The following TXNL1 variants were observed in gnomAD, a reference collection of about 807,000 sequenced individuals.
TXNL1 encodes the protein thioredoxin-like protein 1.
In TXNL1, 14 loss-of-function variants were observed where a neutral mutation model predicts 35.5. The observed-to-expected ratio is 0.39, with a 90% CI of 0.26 to 0.62. TXNL1 has a LOEUF of 0.62. TXNL1 is among the 20% of genes least tolerant of loss of function. The probability of loss-of-function intolerance (pLI) is 0.47; values close to 1 mark genes in which losing one functional copy is unlikely to be tolerated. For synonymous variants in TXNL1, 110 were observed against 115.5 expected, an observed-to-expected ratio of 0.95 and a Z score of 0.31; for missense variants, 263 against 349.7, an observed-to-expected ratio of 0.75 and a Z score of 1.98.
rs183867836 is a variant in TXNL1, at chr18:56,634,507, A to T, written c.98+3836T>A. Among the ~76,000 whole-genome samples the T allele has an allele frequency of 2.0e-5, 3 of 152,340 alleles. No individual in the cohort carries two copies. The East Asian group carries it at 5.8e-4, about 29-fold the overall frequency. On this transcript the variant is annotated intron_variant, in intron 1 of 7. Coordinates refer to ENST00000217515, the MANE Select transcript of TXNL1 (RefSeq NM_004786.3). ...CAGACTAAGGAATATGTAAGCGTTG[A>T]CTATTTTAATCCTTAAAAAATACTC...
intron 7 of TXNL1, among the ~76,000 whole-genome samples, chr18:56,607,982 T>C (rs2023929505): frequency 6.6e-6 from 1 of 152,224 alleles, no homozygotes; most frequent in Non-Finnish European, 1.5e-5. Context: ...TATTGTAAAC[T>C]TGAACCATCA....
At chr18:56,629,911 C>T (rs1170810936) in intron 1 of TXNL1, among the ~76,000 whole-genome samples, 1 of 152,060 alleles carries the variant, frequency 6.6e-6, no homozygotes, top group Non-Finnish European at 1.5e-5. Context: ...AAGATAGTAA[C>T]CAGACTGGGC....
intron 1 of TXNL1, among the ~76,000 whole-genome samples, chr18:56,631,868 C>T (rs1484615383): frequency 2.7e-5 from 4 of 148,006 alleles, no homozygotes; most frequent in African/African-American, 7.5e-5. Context: ...CACAGTGAGA[C>T]GAGATTGCGC....
rs1235386773 is a variant in TXNL1 at position 56,603,126 on chromosome 18, TAATC to T, written c.841-74_841-71del. 3.0e-6 allele frequency: 4 copies of T among 1,336,640 alleles called. No individual in the cohort carries two copies. The African/African-American group carries it at 5.9e-5, about 20-fold the overall frequency. The allele number at this position is 1,336,640 out of a possible 1,614,324, so 82.8% of individuals were successfully genotyped here. ...AAATATGAGTTATTAAAAATACTAA[TAATC>T]AGTTTAAAACCTTGGTATTAATTTT... On this transcript the variant is annotated intron_variant, in intron 7 of 7. Transcript: ENST00000217515.
intron 7 of TXNL1, 70 bp downstream of exon 7, chr18:56,610,923 T>G: frequency 7.0e-5 from 70 of 994,848 alleles, no homozygotes; most frequent in Middle Eastern, 4.3e-4. Context: ...GTGTGACAGT[T>G]GAGATACATG....
At position 56,618,036 on chromosome 18, in the gene TXNL1, T is replaced by G. The variant is rs1377780836; in HGVS notation, c.460A>C (p.Thr154Pro). The G allele has an allele frequency of 6.2e-7, 1 of 1,614,068 alleles. No individual in the cohort carries two copies. The highest frequency in any genetic ancestry group is 1.7e-5 in the Admixed American group (1 of 60,024). Residue 154 changes from threonine to proline, a missense_variant, in exon 4 of 8, where the codon ACA becomes CCA. Coordinates refer to ENST00000217515, the MANE Select transcript of TXNL1 (RefSeq NM_004786.3). ...TCACAGTCAGATTCCAAGAAGGTTG[T>G]GTCTTTTCGTAAACAGTTGTCAAAT... is the stretch of plus-strand genomic sequence containing the variant. ...HGFDNCLRKDTTFLESDCDEQ... is the reference protein window; with the variant it reads ...HGFDNCLRKDPTFLESDCDEQ...
intron 1 of TXNL1, among the ~76,000 whole-genome samples, chr18:56,628,911 C>T (rs1051984818): frequency 6.6e-6 from 1 of 152,172 alleles, no homozygotes; most frequent in Non-Finnish European, 1.5e-5. Flanking sequence ...ATCAGCATTT[C>T]ACCTTGTGTT....
chr18:56,638,077 T>C (rs1188863967), intron 1 of TXNL1, among the ~76,000 whole-genome samples: 3 of 151,974 alleles, frequency 2.0e-5, no homozygotes, highest in Non-Finnish European at 2.9e-5. Flanking sequence ...CAAAACCAGT[T>C]TGTCAAAGAA....
In TXNL1 at chr18:56,602,684, C is replaced by G. The variant is rs2023826519; in HGVS notation, c.*343G>C. On this transcript the variant is annotated 3_prime_UTR_variant, in exon 8 of 8. Transcript: ENST00000217515. ...GTGTACACATGTACTTCTTAATTCC[C>G]TAGAACAGTTTCTCCTTTTCTAAAG... 2.9e-6 allele frequency: 1 copy of G among 345,976 alleles called. No homozygotes were observed. Among genetic ancestry groups the G allele is most frequent in the South Asian group, 3.9e-5 (1 of 25,380 alleles). The allele number at this position is 345,976 out of a possible 1,614,324, so 21.4% of individuals were successfully genotyped here.
intron 1 of TXNL1, among the ~76,000 whole-genome samples, chr18:56,637,678 C>T (rs2144347525): frequency 6.6e-6 from 1 of 152,288 alleles, no homozygotes; most frequent in Admixed American, 6.5e-5. Context: ...AACTGTCCAC[C>T]TGAAATATAT....
intron 1 of TXNL1, among the ~76,000 whole-genome samples, chr18:56,633,316 G>A (rs1020167206): frequency 7.2e-5 from 11 of 151,778 alleles, no homozygotes; most frequent in Non-Finnish European, 7.4e-5. Context: ...GCGTGGTGGC[G>A]GGCACCTGTA....
At position 56,599,061 on chromosome 18, in the gene TXNL1, A is replaced by G. The variant is rs1451149416; in HGVS notation, c.*3966T>C. On this transcript the variant is annotated 3_prime_UTR_variant, in exon 8 of 8. Transcript: ENST00000217515. ...AGCATAGCAAGCACGAAGGAAAAAT[A>G]CTCTAGCAGTTTTAACATTGCATAT... is the stretch of plus-strand genomic sequence containing the variant. 6.6e-6 allele frequency: 1 copy of G among 152,188 alleles called. No homozygotes were observed. The highest frequency in any genetic ancestry group is 1.5e-5 in the Non-Finnish European group (1 of 68,026). The allele number at this position is 152,188 out of a possible 1,614,324, so 9.4% of individuals were successfully genotyped here.
At chr18:56,629,309 CTT>C in intron 1 of TXNL1, among the ~76,000 whole-genome samples, 1 of 152,344 alleles carries the variant, frequency 6.6e-6, no homozygotes, top group South Asian at 2.1e-4. Flanking sequence ...GGGCGGATCA[CTT>C]GAGTCCAGGA....
chr18:56,611,016 T>A lies in TXNL1; in HGVS notation c.817A>T (p.Thr273Ser), dbSNP rs1243162778. The A allele has an allele frequency of 1.3e-5, 21 of 1,606,278 alleles. No homozygotes were observed. Among genetic ancestry groups the A allele is most frequent in the Non-Finnish European group, 1.8e-5 (21 of 1,177,202 alleles). ...ACTCGTTTGAAGTCATTCATATTTG[T>A]TGCCTGGACTGGAGTACCAATAAAA... ...FTFIGTPVQA[T>S]NMNDFKRVVG... Residue 273 changes from threonine to serine, a missense_variant, in exon 7 of 8, where the codon ACA becomes TCA. Coordinates refer to ENST00000217515, the MANE Select transcript of TXNL1 (RefSeq NM_004786.3).
Position 56,598,390 on chromosome 18 carries a change from T to C in TXNL1, c.*4637A>G, listed in dbSNP as rs2023769700. On this transcript the variant is annotated 3_prime_UTR_variant, in exon 8 of 8. Transcript: ENST00000217515. ...GCTGAGGAGGCGTGCACAATTGTTATGATTATTCCCGGTATCAGTTTTCCT... is the reference window on the plus strand; with the variant it reads ...GCTGAGGAGGCGTGCACAATTGTTACGATTATTCCCGGTATCAGTTTTCCT... The C allele has an allele frequency of 6.6e-6, 1 of 152,158 alleles. No homozygotes were observed. Among genetic ancestry groups the C allele is most frequent in the African/African-American group, 2.4e-5 (1 of 41,416 alleles). 9.4% of individuals were successfully genotyped at this position (152,158 alleles called of 1,614,324 possible). A position where few individuals can be genotyped will look rare whatever the true frequency, so the allele number is the denominator to read the frequency against.
At chr18:56,636,969 A>G (rs2024465335) in intron 1 of TXNL1, among the ~76,000 whole-genome samples, 1 of 152,180 alleles carries the variant, frequency 6.6e-6, no homozygotes, top group Non-Finnish European at 1.5e-5. Flanking sequence ...AAATGAGAAG[A>G]CACATTTATA....
chr18:56,629,786 C>A (rs147439480), intron 1 of TXNL1, among the ~76,000 whole-genome samples: 5 of 152,260 alleles, frequency 3.3e-5, no homozygotes, highest in African/African-American at 4.8e-5. Context: ...TATATCCATT[C>A]ATGAAAACCA....
At chr18:56,604,327 T>C (rs1034654454) in intron 7 of TXNL1, 2 of 152,202 alleles carry the variant, frequency 1.3e-5, no homozygotes, top group Non-Finnish European at 2.9e-5. Flanking sequence ...ATTGTATTAC[T>C]TGGGAAACAC....
At chr18:56,625,339 C>T (rs2024258435) in intron 2 of TXNL1, among the ~76,000 whole-genome samples, 1 of 151,992 alleles carries the variant, frequency 6.6e-6, no homozygotes, top group Admixed American at 6.6e-5. Context: ...TAAGTAAAAT[C>T]AAGTTTAATA....
Sources: allele counts gnomAD v4.1 joint callset (sites outside exome capture counted in the v4.1 genomes callset), GRCh38; gene constraint gnomAD v4.1.1; transcripts MANE v1.5; gene names NCBI Gene and HGNC (gene_info 2026-07-23, HGNC 2026-07-21).